ARHGEF3: variants seen among roughly 807,000 people sequenced by gnomAD.
ARHGEF3 encodes the protein 59.8 kDA protein.
Under a neutral mutation model 63.2 loss-of-function variants are expected in ARHGEF3, and 28 were observed. The observed-to-expected ratio is 0.44, with a 90% confidence interval of 0.33 to 0.61. The LOEUF (loss-of-function observed/expected upper bound fraction) is 0.61. ARHGEF3 is among the 20% of genes least tolerant of loss of function. ARHGEF3 has a pLI of 0.03. For missense variants in ARHGEF3, 533 were observed against 659.3 expected (o/e 0.81, Z 2.10); for synonymous variants, 266 against 254.2 (o/e 1.05, Z -0.44).
chr3:57,062,476 G>C (rs978940265), intron 1 of ARHGEF3, among the ~76,000 whole-genome samples: 6 of 152,184 alleles, frequency 3.9e-5, no homozygotes, highest in African/African-American at 1.4e-4. Context: ...GTGCTCAGGA[G>C]CATGGGGAAG....
intron 2 of ARHGEF3, among the ~76,000 whole-genome samples, chr3:56,975,144 G>A (rs1645885137): frequency 1.3e-5 from 2 of 152,146 alleles, no homozygotes; most frequent in Admixed American, 6.5e-5. Flanking sequence ...CTGGCTGAGT[G>A]CGGTGGCTCA....
Position 56,728,941 on chromosome 3 carries a change from C to T in ARHGEF3, c.*329G>A, listed in dbSNP as rs972351625. On this transcript the variant is annotated 3_prime_UTR_variant, in exon 10 of 10. Transcript: ENST00000296315. ...AGCACAAGAGGAAGGACTCTTCAAA[C>T]AATCTATGTAAAACAGTAGTTTTGA... 8.7e-6 allele frequency: 2 copies of T among 229,492 alleles called. No individual in the cohort carries two copies. The highest frequency in any genetic ancestry group is 1.6e-4 in the South Asian group (2 of 12,428). 14.2% of individuals were successfully genotyped at this position (229,492 alleles called of 1,614,324 possible).
At chr3:56,991,611 AGTTTT>A (rs144344535) in intron 2 of ARHGEF3, among the ~76,000 whole-genome samples, 1 of 152,050 alleles carries the variant, frequency 6.6e-6, no homozygotes, top group Non-Finnish European at 1.5e-5. Flanking sequence ...GACATTAATC[AGTTTT>A]GTTTTGTTTT....
chr3:56,790,833 C>G (rs2037044191), intron 1 of ARHGEF3, among the ~76,000 whole-genome samples: 1 of 152,166 alleles, frequency 6.6e-6, no homozygotes, highest in South Asian at 2.1e-4. Flanking sequence ...TTCCCTTTTT[C>G]TTTCTGTAGC....
At chr3:57,042,771 A>T (rs2107268165) in intron 1 of ARHGEF3, among the ~76,000 whole-genome samples, 1 of 141,746 alleles carries the variant, frequency 7.1e-6, no homozygotes, top group Non-Finnish European at 1.5e-5. Context: ...ATCTCAGCTC[A>T]CTGCAAGCTC....
At position 57,002,924 on chromosome 3, in the gene ARHGEF3, C is replaced by T. The variant is rs551364301; in HGVS notation, c.62+32164G>A. Among the ~76,000 whole-genome samples, 7 of 151,534 alleles carry T rather than the reference C, an allele frequency of 4.6e-5. No individual in the cohort carries two copies. The East Asian group carries it at 1.2e-3, about 26-fold the overall frequency. On this transcript the variant is annotated intron_variant, in intron 2 of 12. Transcript: ENST00000338458. Reference sequence around the variant, plus strand: ...GAGTAGCTGGGACTACAGGCGCACGCCACCACGCCCGGCTAATTTTTTGTA... The same window carrying T: ...GAGTAGCTGGGACTACAGGCGCACGTCACCACGCCCGGCTAATTTTTTGTA...
At chr3:57,012,968 C>T (rs370966680) in intron 2 of ARHGEF3, among the ~76,000 whole-genome samples, 12 of 152,220 alleles carry the variant, frequency 7.9e-5, no homozygotes, top group African/African-American at 2.7e-4. Context: ...GCAGGCCCTG[C>T]ACTCCTGCTG....
At chr3:56,789,638 G>C (rs761826253) in intron 1 of ARHGEF3, among the ~76,000 whole-genome samples, 1 of 152,064 alleles carries the variant, frequency 6.6e-6, no homozygotes, top group Non-Finnish European at 1.5e-5. Context: ...AACATGCCTT[G>C]TTCACTGTTT....
intron 4 of ARHGEF3, among the ~76,000 whole-genome samples, chr3:56,813,410 G>A (rs1211264979): frequency 1.3e-5 from 2 of 152,136 alleles, no homozygotes; most frequent in Non-Finnish European, 2.9e-5. Context: ...TTTTGAAAGG[G>A]AAAAAATTCT....
At chr3:57,053,410 G>A (rs1410131588) in intron 1 of ARHGEF3, among the ~76,000 whole-genome samples, 1 of 152,034 alleles carries the variant, frequency 6.6e-6, no homozygotes, top group Non-Finnish European at 1.5e-5. Context: ...CCTCCAGCCT[G>A]CCCTGCCTCT....
chr3:56,792,787 A>G (rs1487399315), intron 1 of ARHGEF3, among the ~76,000 whole-genome samples: 1 of 151,924 alleles, frequency 6.6e-6, no homozygotes, highest in East Asian at 1.9e-4. Context: ...GTCTTTTAGT[A>G]TGCACAGAAA....
At chr3:56,730,241 T>C (rs960511697) in intron 9 of ARHGEF3, among the ~76,000 whole-genome samples, 2 of 152,146 alleles carry the variant, frequency 1.3e-5, no homozygotes, top group African/African-American at 4.8e-5. Flanking sequence ...AGAGTATCTA[T>C]ACACTTAGTA....
rs538974938 is a variant in ARHGEF3, at chr3:56,976,636, C to A, written c.63-17747G>T. Among the ~76,000 whole-genome samples, 184 of 152,242 alleles carry A rather than the reference C, an allele frequency of 1.2e-3. No homozygotes were observed. In the Middle Eastern group the frequency reaches 0.014, roughly 11 times the overall value. ...CTAACAGTTTAAAATGCCAAAAATT[C>A]TTAAATTAGCCAGCATTGCTTAAAG... On this transcript the variant is annotated intron_variant, in intron 2 of 12. Transcript: ENST00000338458.
At position 57,015,152 on chromosome 3, in the gene ARHGEF3, C is replaced by T. The variant is rs567945446; in HGVS notation, c.62+19936G>A. On this transcript the variant is annotated intron_variant, in intron 2 of 12. Transcript: ENST00000338458. ...CGTTTTACTGGTATACAGCCACGCT[C>T]ATTCACTTATGTAAATGACTAGGAC... is the stretch of plus-strand genomic sequence containing the variant. 2.6e-5 allele frequency among the ~76,000 whole-genome samples: 4 copies of T among 152,342 alleles called. No homozygotes were observed. The South Asian group carries it at 8.3e-4, about 32-fold the overall frequency.
intron 1 of ARHGEF3, among the ~76,000 whole-genome samples, chr3:57,076,171 G>A (rs895305258): frequency 6.6e-6 from 1 of 152,100 alleles, no homozygotes; most frequent in Non-Finnish European, 1.5e-5. Context: ...GAACAAAAGA[G>A]AGACAGCCCC....
chr3:57,075,755 A>G (rs1341411603), intron 1 of ARHGEF3, among the ~76,000 whole-genome samples: 1 of 152,210 alleles, frequency 6.6e-6, no homozygotes, highest in Non-Finnish European at 1.5e-5. Flanking sequence ...TGTTGCAGTG[A>G]GCCAAGATCA....
At chr3:56,971,339 C>T (rs1324313158) in intron 2 of ARHGEF3, among the ~76,000 whole-genome samples, 1 of 152,116 alleles carries the variant, frequency 6.6e-6, no homozygotes, top group Non-Finnish European at 1.5e-5. Flanking sequence ...TGTATTCACC[C>T]CAGTCATCTC....
intron 2 of ARHGEF3, among the ~76,000 whole-genome samples, chr3:56,991,516 T>G (rs532278035): frequency 6.6e-6 from 1 of 152,350 alleles, no homozygotes; most frequent in African/African-American, 2.4e-5. Flanking sequence ...GTTGTTAACT[T>G]GTTAAAGATT....
chr3:56,856,109 G>A (rs544732843), intron 4 of ARHGEF3, among the ~76,000 whole-genome samples: 4 of 152,290 alleles, frequency 2.6e-5, no homozygotes, highest in East Asian at 1.9e-4. Context: ...AGTGGTGGAC[G>A]AGATGTCTGG....
Sources: gnomAD v4.1 joint callset for allele counts (sites outside exome capture counted in the v4.1 genomes callset) on GRCh38, gnomAD v4.1.1 for gene constraint, MANE v1.5 for transcripts, NCBI Gene and HGNC (gene_info 2026-07-23, HGNC 2026-07-21) for gene names.